The following ZRANB1 variants were observed in gnomAD, a reference collection of about 807,000 sequenced individuals.
The protein encoded by ZRANB1 is zinc finger RANBP2-type containing 1, also known as ubiquitin thioesterase ZRANB1.
A neutral mutation model predicts 80.5 loss-of-function variants in ZRANB1; 16 were observed. The observed-to-expected ratio is 0.20, with a 90% CI of 0.13 to 0.30. The LOEUF is 0.30. ZRANB1 is among the 10% of genes least tolerant of loss of function. ZRANB1 has a pLI of 1.00. For synonymous variants in ZRANB1, 291 were observed against 293.1 expected (o/e 0.99, Z 0.07); for missense variants, 576 against 862.6 (o/e 0.67, Z 4.16).
At position 124,983,782 on chromosome 10, in the gene ZRANB1, A is replaced by G; in HGVS notation, c.1908+94A>G. 3 of 869,718 alleles carry G rather than the reference A, an allele frequency of 3.4e-6. No individual in the cohort carries two copies. Among genetic ancestry groups the G allele is most frequent in the South Asian group, 3.5e-5 (2 of 57,492 alleles). The allele number at this position is 869,718 out of a possible 1,614,324, so 53.9% of individuals were successfully genotyped here. Reference sequence around the variant, plus strand: ...CAGGTGTGGTTTTATCTGCACTATCACTTAATTTCTGAATGTGATGGTAGT... The same window carrying G: ...CAGGTGTGGTTTTATCTGCACTATCGCTTAATTTCTGAATGTGATGGTAGT... On this transcript the variant is annotated intron_variant, in intron 8 of 8. Transcript: ENST00000359653. The surrounding 1 kb of genome is among the most constrained non-coding windows in gnomAD (Gnocchi z 6.2).
At chr10:124,924,615 C>T in the ZRANB1 span, among the ~76,000 whole-genome samples, 3 of 152,014 alleles carry the variant, frequency 2.0e-5, no homozygotes, top group African/African-American at 7.2e-5. Flanking sequence ...ATAATACTTC[C>T]AAGGTTTATG....
In ZRANB1 at chr10:124,986,619, CTGTT is replaced by C. The variant is rs772988881; in HGVS notation, c.*1633_*1636del. 1.4e-4 allele frequency: 22 copies of C among 152,146 alleles called. No homozygotes were observed. Among genetic ancestry groups the C allele is most frequent in the Admixed American group, 5.9e-4 (9 of 15,274 alleles). 9.4% of individuals were successfully genotyped at this position (152,146 alleles called of 1,614,324 possible). Reference sequence around the variant, plus strand: ...AATCTTTGATATAATGTAAATGCTGCTGTTTGTTTCAAGTGGTGAATGTGTTGTT... The same window carrying C: ...AATCTTTGATATAATGTAAATGCTGCTGTTTCAAGTGGTGAATGTGTTGTT... On this transcript the variant is annotated 3_prime_UTR_variant, in exon 9 of 9. Coordinates refer to ENST00000359653, the MANE Select transcript of ZRANB1 (RefSeq NM_017580.3).
chr10:124,960,248 T>C (rs2134271038), intron 1 of ZRANB1, among the ~76,000 whole-genome samples: 2 of 152,302 alleles, frequency 1.3e-5, no homozygotes. Context: ...TCTTGTTTAG[T>C]GTTTCTAATT....
At chr10:124,922,433 C>T in the ZRANB1 span, among the ~76,000 whole-genome samples, 1 of 150,128 alleles carries the variant, frequency 6.7e-6, no homozygotes, top group East Asian at 1.9e-4. Context: ...TCAAGCTATC[C>T]TCTCACTTCA....
intron 1 of ZRANB1, among the ~76,000 whole-genome samples, chr10:124,951,834 G>A (rs1464807916): frequency 6.6e-6 from 1 of 152,064 alleles, no homozygotes; most frequent in Non-Finnish European, 1.5e-5. Context: ...GCGGGCATCT[G>A]TAATCCCAGC....
At chr10:124,963,674 G>C (rs559651757) in intron 1 of ZRANB1, among the ~76,000 whole-genome samples, 74 of 144,514 alleles carry the variant, frequency 5.1e-4, no homozygotes, top group African/African-American at 1.9e-3. Flanking sequence ...GCCAAATCCT[G>C]TTGAACCAAC....
intron 5 of ZRANB1, among the ~76,000 whole-genome samples, chr10:124,978,424 C>T (rs1296501225): frequency 6.6e-6 from 1 of 152,150 alleles, no homozygotes; most frequent in Non-Finnish European, 1.5e-5. Flanking sequence ...CCCCTCCACC[C>T]GTCACTTCAA....
chr10:124,958,227 G>A (rs551061027), intron 1 of ZRANB1, among the ~76,000 whole-genome samples: 111 of 152,306 alleles, frequency 7.3e-4, no homozygotes, highest in African/African-American at 2.5e-3. Context: ...CGACTAGCAT[G>A]TGCAACGTAG....
intron 5 of ZRANB1, among the ~76,000 whole-genome samples, chr10:124,978,397 A>G (rs1375145994): frequency 1.3e-5 from 2 of 152,160 alleles, no homozygotes; most frequent in African/African-American, 2.4e-5. Flanking sequence ...TGAGAAAGCA[A>G]TTTTCTTTTA....
rs1444235315 is a variant in ZRANB1, at chr10:124,943,117, T to C, written c.624T>C (p.Ser208=). ...GAGCTCGATGGAGGGGAAGTTGCAG[T>C]AGTGGTAATAGCCAAAGGAGATCAC... ...QDRARWRGSC[S]SGNSQRRSPP... is the part of the protein sequence containing the mutation. Residue 208 remains serine (S), a synonymous_variant, in exon 1 of 9, where the codon AGT becomes AGC. Transcript: ENST00000359653. The C allele has an allele frequency of 1.2e-6, 2 of 1,613,978 alleles. No homozygotes were observed. The highest frequency in any genetic ancestry group is 2.7e-5 in the African/African-American group (2 of 74,886).
intron 1 of ZRANB1, among the ~76,000 whole-genome samples, chr10:124,964,968 T>A (rs1344521250): frequency 6.6e-6 from 1 of 152,228 alleles, no homozygotes; most frequent in Admixed American, 6.5e-5. Context: ...TAAGCAGAAG[T>A]TTCAGAGTTC....
At chr10:124,955,450 G>A (rs762669635) in intron 1 of ZRANB1, among the ~76,000 whole-genome samples, 8 of 152,132 alleles carry the variant, frequency 5.3e-5, no homozygotes, top group East Asian at 2.0e-4. Context: ...CTTCTGTAGC[G>A]TCTTTTGGCC....
intron 8 of ZRANB1, 112 bp from the exon 9 acceptor site, chr10:124,984,662 G>A (rs1000862604): frequency 9.3e-7 from 1 of 1,070,008 alleles, no homozygotes; most frequent in Non-Finnish European, 1.3e-6. Flanking sequence ...AAAGTTGATT[G>A]CTTTGGCCTT....
At chr10:124,945,060 G>C (rs1397168186) in intron 1 of ZRANB1, 3 of 152,122 alleles carry the variant, frequency 2.0e-5, no homozygotes, top group Non-Finnish European at 4.4e-5. Flanking sequence ...ATACAAAAGG[G>C]TTTTGTTATT....
chr10:124,955,660 T>G lies in ZRANB1; in HGVS notation c.815-10934T>G, dbSNP rs57683296. On this transcript the variant is annotated intron_variant, in intron 1 of 8. Coordinates refer to ENST00000359653, the MANE Select transcript of ZRANB1 (RefSeq NM_017580.3). ...GGTAATAGAGTTATTTTTAGCAACA[T>G]GAAATAAGTATTATCTTCAGGTAGT... 3.5e-3 allele frequency among the ~76,000 whole-genome samples: 540 copies of G among 152,364 alleles called. 2 individuals are homozygous for G. The highest frequency in any genetic ancestry group is 0.012 in the African/African-American group (502 of 41,598).
chr10:124,926,552 A>C, the ZRANB1 span, among the ~76,000 whole-genome samples: 1 of 152,282 alleles, frequency 6.6e-6, no homozygotes, highest in South Asian at 2.1e-4. Context: ...ACATGCGTAG[A>C]GCTATCATCT....
chr10:124,954,552 ATCC>A (rs1951673734), intron 1 of ZRANB1, among the ~76,000 whole-genome samples: 1 of 151,098 alleles, frequency 6.6e-6, no homozygotes, highest in Middle Eastern at 3.4e-3. Context: ...GGTTCACACA[ATCC>A]TCCTGCCTCA....
At chr10:124,918,678 A>G in the ZRANB1 span, among the ~76,000 whole-genome samples, 1 of 152,258 alleles carries the variant, frequency 6.6e-6, no homozygotes, top group African/African-American at 2.4e-5. Context: ...GCTTGTGCCA[A>G]GGCTCTTGGG....
intron 2 of ZRANB1, among the ~76,000 whole-genome samples, chr10:124,968,991 A>G (rs1038314497): frequency 3.3e-5 from 5 of 152,194 alleles, no homozygotes; most frequent in African/African-American, 1.2e-4. Context: ...GTTGCAGTCA[A>G]GTGGTCCAGG....
Sources: allele counts gnomAD v4.1 joint callset (sites outside exome capture counted in the v4.1 genomes callset), GRCh38; gene constraint gnomAD v4.1.1; non-coding constraint Gnocchi (gnomAD v3.1); transcripts MANE v1.5; gene names NCBI Gene and HGNC (gene_info 2026-07-23, HGNC 2026-07-21).